ELAVL2: variants seen among roughly 807,000 people sequenced by gnomAD.
ELAVL2 encodes ELAV like RNA binding protein 2.
In ELAVL2, 4 loss-of-function variants were observed where a neutral mutation model predicts 34.6. The observed-to-expected ratio is 0.12, with a 90% confidence interval of 0.06 to 0.26. ELAVL2 has a LOEUF of 0.26. Among genes scored for constraint, ELAVL2 ranks in the 10% least tolerant of loss-of-function variants. The pLI is 1.00. For missense variants in ELAVL2, 432 were observed against 442.8 expected, an observed-to-expected ratio of 0.98 and a Z score of 0.22; for synonymous variants, 193 against 154.8, an observed-to-expected ratio of 1.25 and a Z score of -1.83.
chr9:23,739,542 C>T (rs2048660564), intron 2 of ELAVL2, among the ~76,000 whole-genome samples: 1 of 151,994 alleles, frequency 6.6e-6, no homozygotes, highest in African/African-American at 2.4e-5. Context: ...CGCCACCGCC[C>T]CTACCCCCAC....
intron 1 of ELAVL2, among the ~76,000 whole-genome samples, chr9:23,789,805 A>C (rs2060122276): frequency 6.6e-6 from 1 of 151,972 alleles, no homozygotes. Context: ...TGGTTGCAAA[A>C]CAGTTAGCTT....
chr9:23,752,027 T>C lies in ELAVL2; in HGVS notation c.229+9979A>G, dbSNP rs549039395. Among the ~76,000 whole-genome samples, 54 of 152,248 alleles carry C rather than the reference T, an allele frequency of 3.5e-4. No homozygotes were observed. The Middle Eastern group carries it at 0.01, about 29-fold the overall frequency. On this transcript the variant is annotated intron_variant, in intron 2 of 6. Coordinates refer to ENST00000397312, the MANE Select transcript of ELAVL2 (RefSeq NM_004432.5). ...GGATGAGCTTTGCATTCTTCCCACA[T>C]CATGACAAACTCCAAGAAATCTAGG...
At chr9:23,765,067 A>G in intron 1 of ELAVL2, 1 of 1,609,072 alleles carries the variant, frequency 6.2e-7, no homozygotes, top group Non-Finnish European at 8.5e-7. Context: ...CACATCACAC[A>G]GTCTGACTGC....
chr9:23,731,902 C>G (rs2134579176), intron 2 of ELAVL2, among the ~76,000 whole-genome samples: 1 of 152,276 alleles, frequency 6.6e-6, no homozygotes, highest in South Asian at 2.1e-4. Flanking sequence ...CATCTGAGCC[C>G]TCTCACTCCT....
intron 4 of ELAVL2, among the ~76,000 whole-genome samples, chr9:23,702,951 CAAAAAAAAAAAAAAAAAA>C (rs58828236): frequency 8.4e-5 from 4 of 47,626 alleles, no homozygotes; most frequent in Non-Finnish European, 1.6e-4. Flanking sequence ...ATCAGATTAG[CAAAAAAAAAAAAAAAAAA>C]AAAAAAAAAA....
At chr9:23,736,330 T>A (rs1326401681) in intron 2 of ELAVL2, among the ~76,000 whole-genome samples, 1 of 152,142 alleles carries the variant, frequency 6.6e-6, no homozygotes, top group African/African-American at 2.4e-5. Context: ...AAGCATTCAA[T>A]AACTATGGGA....
Position 23,762,269 on chromosome 9 carries a change from G to A in ELAVL2, c.-15-20C>T. On this transcript the variant is annotated intron_variant, in intron 1 of 6. Transcript: ENST00000397312. ...TACCTGCTAAAAACAGAGAAAACAAGAAATGTCAGAATTCATATTTCACAA... is the reference window on the plus strand; with the variant it reads ...TACCTGCTAAAAACAGAGAAAACAAAAAATGTCAGAATTCATATTTCACAA... The A allele has an allele frequency of 4.3e-6, 7 of 1,610,684 alleles. No individual in the cohort carries two copies. The highest frequency in any genetic ancestry group is 5.9e-6 in the Non-Finnish European group (7 of 1,177,946).
intron 3 of ELAVL2, among the ~76,000 whole-genome samples, chr9:23,721,185 C>A (rs1329042): frequency 1.3e-5 from 2 of 152,154 alleles, no homozygotes; most frequent in African/African-American, 4.8e-5. Context: ...AAAATGCAGA[C>A]GTAAAATAAA....
At chr9:23,698,346 T>C (rs1182156589) in intron 5 of ELAVL2, among the ~76,000 whole-genome samples, 1 of 152,220 alleles carries the variant, frequency 6.6e-6, no homozygotes, top group African/African-American at 2.4e-5. Flanking sequence ...GCAGTGCTCA[T>C]ATTACAACAA....
chr9:23,787,652 G>C (rs1179923763), intron 1 of ELAVL2, among the ~76,000 whole-genome samples: 1 of 151,816 alleles, frequency 6.6e-6, no homozygotes, highest in Non-Finnish European at 1.5e-5. Flanking sequence ...CATGCTCTTT[G>C]CACCACACAT....
chr9:23,749,798 T>TG (rs1466002830), intron 2 of ELAVL2, among the ~76,000 whole-genome samples: 2 of 152,116 alleles, frequency 1.3e-5, no homozygotes. Flanking sequence ...AATTTGGTCC[T>TG]GCTTGCTAGA....
At chr9:23,723,498 G>A (rs557088752) in intron 3 of ELAVL2, among the ~76,000 whole-genome samples, 82 of 151,748 alleles carry the variant, frequency 5.4e-4, no homozygotes, top group Middle Eastern at 3.4e-3. Context: ...ACACCAGCAT[G>A]GCACATGTAT....
At chr9:23,822,669 G>A (rs928727941) in intron 1 of ELAVL2, among the ~76,000 whole-genome samples, 1 of 152,206 alleles carries the variant, frequency 6.6e-6, no homozygotes, top group African/African-American at 2.4e-5. Flanking sequence ...GCTTAATTAC[G>A]AGAGCACCTG....
At chr9:23,800,065 C>T (rs1322505481) in intron 1 of ELAVL2, among the ~76,000 whole-genome samples, 1 of 152,148 alleles carries the variant, frequency 6.6e-6, no homozygotes, top group Non-Finnish European at 1.5e-5. Context: ...AATATTTCTC[C>T]TAAAATAACC....
At chr9:23,782,771 A>T (rs1253114101) in intron 1 of ELAVL2, among the ~76,000 whole-genome samples, 1 of 152,194 alleles carries the variant, frequency 6.6e-6, no homozygotes, top group African/African-American at 2.4e-5. Flanking sequence ...ATTCTACCTG[A>T]ATTTATTAAT....
chr9:23,795,355 C>A (rs118127326), intron 1 of ELAVL2, among the ~76,000 whole-genome samples: 20,541 of 152,058 alleles, frequency 0.14, 1,781 homozygotes, highest in East Asian at 0.28. Flanking sequence ...AACAGCGTGG[C>A]CAACATGGTA....
chr9:23,763,831 C>G (rs1441694573), intron 1 of ELAVL2, among the ~76,000 whole-genome samples: 3 of 152,094 alleles, frequency 2.0e-5, no homozygotes, highest in Non-Finnish European at 2.9e-5. Flanking sequence ...TGTAACCCCT[C>G]TGTGACTTCA....
intron 3 of ELAVL2, among the ~76,000 whole-genome samples, chr9:23,715,306 G>T (rs150921502): frequency 1.3e-5 from 2 of 152,058 alleles, no homozygotes; most frequent in East Asian, 1.9e-4. Context: ...CCGCCACCAC[G>T]CCCGGCTAAT....
the ELAVL2 span, among the ~76,000 whole-genome samples, chr9:23,840,221 C>A: frequency 6.6e-6 from 1 of 152,142 alleles, no homozygotes; most frequent in Non-Finnish European, 1.5e-5. Flanking sequence ...TTGTCAAGTG[C>A]CTGGCACAGA....
Sources: gnomAD v4.1 joint callset for allele counts (sites outside exome capture counted in the v4.1 genomes callset) on GRCh38, gnomAD v4.1.1 for gene constraint, MANE v1.5 for transcripts, NCBI Gene and HGNC (gene_info 2026-07-23, HGNC 2026-07-21) for gene names.